The following CD72 variants were observed in gnomAD, a reference collection of about 807,000 sequenced individuals.
CD72 encodes the protein B-cell differentiation antigen CD72.
CD72 carries 28 observed loss-of-function variants against 50.7 expected under a neutral mutation model. The ratio of observed to expected loss-of-function variants is 0.55; its 90% confidence interval spans 0.41 to 0.76. The LOEUF is 0.76. Ranked by LOEUF, CD72 falls within the 30% of genes least tolerant of loss-of-function variation. CD72 has a pLI of 0.00. For missense variants in CD72, 403 were observed against 420.6 expected, an observed-to-expected ratio of 0.96 and a Z score of 0.37; for synonymous variants, 176 against 171.2, an observed-to-expected ratio of 1.03 and a Z score of -0.22.
upstream of CD72, chr9:35,618,698 C>T (rs867200630): frequency 1.3e-4 from 138 of 1,063,980 alleles, 1 homozygote; most frequent in Middle Eastern, 8.2e-3. Flanking sequence ...TCCTGGCTGC[C>T]TTGTCCACTG....
At chr9:35,617,090 C>A in intron 3 of CD72, 86 bp downstream of exon 3, 1 of 1,534,316 alleles carries the variant, frequency 6.5e-7, no homozygotes, top group Non-Finnish European at 8.8e-7. Context: ...CCGGAAGGAG[C>A]TGCACCCCGC....
At chr9:35,615,247 C>T (rs1211463899) in intron 5 of CD72, among the ~76,000 whole-genome samples, 1 of 152,146 alleles carries the variant, frequency 6.6e-6, no homozygotes, top group African/African-American at 2.4e-5. Context: ...ACCCAGATGA[C>T]CCCCAAGCTA....
At chr9:35,627,633 G>A (rs1587906627) in intron 1 of CD72, among the ~76,000 whole-genome samples, 1 of 152,104 alleles carries the variant, frequency 6.6e-6, no homozygotes, top group Non-Finnish European at 1.5e-5. Flanking sequence ...GTTATCAGAA[G>A]GCTCAGAAAT....
At chr9:35,611,044 C>A (rs554688435) in intron 7 of CD72, among the ~76,000 whole-genome samples, 92 of 152,212 alleles carry the variant, frequency 6.0e-4, no homozygotes, top group African/African-American at 2.1e-3. Flanking sequence ...AAGGTCAGGA[C>A]ATCGAGACCA....
chr9:35,617,078 T>C lies in CD72; in HGVS notation c.262+98A>G, dbSNP rs767089799. The C allele has an allele frequency of 2.5e-5, 38 of 1,514,634 alleles. No homozygotes were observed. In the African/African-American group the frequency reaches 3.6e-4, roughly 14 times the overall value. 93.8% of individuals were successfully genotyped at this position (1,514,634 alleles called of 1,614,324 possible). A position where few individuals can be genotyped will look rare whatever the true frequency, so the allele number is the denominator to read the frequency against. On this transcript the variant is annotated intron_variant, in intron 3 of 8. Transcript: ENST00000259633. The stretch of plus-strand genomic sequence containing the variant: ...GTCGGAAGGACTGCGCCCGGGTTTA[T>C]CCCGGAAGGAGCTGCACCCCGCGGG...
At chr9:35,637,507 T>C (rs1182870986) in intron 1 of CD72, among the ~76,000 whole-genome samples, 1 of 152,234 alleles carries the variant, frequency 6.6e-6, no homozygotes, top group East Asian at 1.9e-4. Flanking sequence ...TTTCACTCTC[T>C]TCTCCAGCCT....
upstream of CD72, among the ~76,000 whole-genome samples, chr9:35,621,847 G>C (rs574980574): frequency 1.6e-4 from 25 of 152,308 alleles, no homozygotes; most frequent in South Asian, 5.0e-3. Flanking sequence ...AGCTGGAAAA[G>C]GCAAGGAAGC....
upstream of CD72, among the ~76,000 whole-genome samples, chr9:35,622,198 C>T (rs899580596): frequency 6.6e-6 from 1 of 152,190 alleles, no homozygotes; most frequent in African/African-American, 2.4e-5. Flanking sequence ...ACTTTACAAA[C>T]GCCTCTTTAA....
At chr9:35,628,795 G>A (rs1289687530) in intron 1 of CD72, among the ~76,000 whole-genome samples, 2 of 152,216 alleles carry the variant, frequency 1.3e-5, no homozygotes, top group Non-Finnish European at 2.9e-5. Context: ...CTGTGTGGGC[G>A]CATGTTCTAC....
At chr9:35,615,751 T>G (rs759819280) in intron 5 of CD72, among the ~76,000 whole-genome samples, 192 bp downstream of exon 5, 1 of 145,790 alleles carries the variant, frequency 6.9e-6, no homozygotes, top group African/African-American at 2.6e-5. Flanking sequence ...GCTGGGTGGG[T>G]CCCCCTAAAT....
At chr9:35,629,624 C>T (rs1823224767) in intron 1 of CD72, among the ~76,000 whole-genome samples, 2 of 152,150 alleles carry the variant, frequency 1.3e-5, no homozygotes, top group South Asian at 4.1e-4. Flanking sequence ...GCAGGCCAGG[C>T]AGCCAGGAAG....
intron 1 of CD72, among the ~76,000 whole-genome samples, chr9:35,632,307 T>A (rs1460104634): frequency 6.6e-6 from 1 of 151,386 alleles, no homozygotes; most frequent in Non-Finnish European, 1.5e-5. Context: ...CCCGAGTAGC[T>A]GGGATTACAG....
At chr9:35,613,918 T>C (rs935165259) in intron 5 of CD72, among the ~76,000 whole-genome samples, 1 of 151,608 alleles carries the variant, frequency 6.6e-6, no homozygotes, top group South Asian at 2.1e-4. Flanking sequence ...GGCAAAAGGA[T>C]AGCTTGAATC....
In CD72 at chr9:35,628,716, TCAAA is replaced by T. The variant is rs369632757; in HGVS notation, n.409-10599_409-10596del. 2.1e-3 allele frequency among the ~76,000 whole-genome samples: 314 copies of T among 152,266 alleles called. 1 individual carries two copies. Among genetic ancestry groups the T allele is most frequent in the Non-Finnish European group, 2.2e-3 (153 of 68,010 alleles). On this transcript the variant is annotated intron_variant and non_coding_transcript_variant, in intron 1 of 3. Coordinates refer to the CD72 transcript ENST00000465754. The stretch of plus-strand genomic sequence containing the variant: ...CATGCCTCCCCCTGTAAAGCAGCTC[TCAAA>T]CAAAGACTGGTGGGAACTGGTATAT...
chr9:35,633,798 T>C (rs12551214), intron 1 of CD72, among the ~76,000 whole-genome samples: 8,032 of 152,284 alleles, frequency 0.053, 313 homozygotes, highest in Middle Eastern at 0.1. Flanking sequence ...TAGAAAGTAA[T>C]GTTAGTCGAA....
In CD72 at chr9:35,618,292, G is replaced by T; in HGVS notation, c.12C>A (p.Ala4=). 3 of 1,614,142 alleles carry T rather than the reference G, an allele frequency of 1.9e-6. No homozygotes were observed. Among genetic ancestry groups the T allele is most frequent in the South Asian group, 1.1e-5 (1 of 91,082 alleles). MAE[A]ITYADLRFVK... ...CAAACCTCAGATCTGCATAGGTGATGGCCTCAGCCATGGTCCTGAGCAGCT... is the reference window on the plus strand; with the variant it reads ...CAAACCTCAGATCTGCATAGGTGATTGCCTCAGCCATGGTCCTGAGCAGCT... Residue 4 remains alanine (A), a synonymous_variant, in exon 1 of 9, where the codon GCC becomes GCA. Transcript: ENST00000259633.
chr9:35,632,183 T>C (rs796354711), intron 1 of CD72, among the ~76,000 whole-genome samples: 371 of 121,358 alleles, frequency 3.1e-3, no homozygotes, highest in African/African-American at 5.3e-3. Context: ...TTTTCTCCTC[T>C]TTTTTTTTTT....
chr9:35,639,363 T>C (rs1823319355), intron 1 of CD72, among the ~76,000 whole-genome samples: 1 of 152,224 alleles, frequency 6.6e-6, no homozygotes, highest in Non-Finnish European at 1.5e-5. Context: ...TACGTGGTAG[T>C]GTGACATCCT....
At chr9:35,631,807 G>A (rs890336417) in intron 1 of CD72, among the ~76,000 whole-genome samples, 3 of 152,110 alleles carry the variant, frequency 2.0e-5, no homozygotes, top group East Asian at 1.9e-4. Flanking sequence ...GGAGAATGGC[G>A]TGAACCCGGG....
Sources: gnomAD v4.1 joint callset for allele counts (sites outside exome capture counted in the v4.1 genomes callset) on GRCh38, gnomAD v4.1.1 for gene constraint, MANE v1.5 for transcripts, NCBI Gene and HGNC (gene_info 2026-07-23, HGNC 2026-07-21) for gene names.